KIF5C: variants seen among roughly 807,000 people sequenced by gnomAD.
KIF5C encodes the protein kinesin heavy chain isoform 5C.
Under a neutral mutation model 125.2 loss-of-function variants are expected in KIF5C, and 18 were observed. The observed-to-expected ratio is 0.14, with a 90% CI of 0.10 to 0.21. The LOEUF (loss-of-function observed/expected upper bound fraction) is 0.21. Among genes scored for constraint, KIF5C ranks in the 10% least tolerant of loss-of-function variants. The probability of loss-of-function intolerance (pLI) is 1.00; values close to 1 mark genes in which losing one functional copy is unlikely to be tolerated. For synonymous variants in KIF5C, 405 were observed against 434.0 expected (o/e 0.93, Z 0.83); for missense variants, 780 against 1,183.8 (o/e 0.66, Z 5.01).
intron 21 of KIF5C, among the ~76,000 whole-genome samples, chr2:149,003,245 C>A (rs1022859487): frequency 3.9e-5 from 6 of 152,254 alleles, no homozygotes; most frequent in Non-Finnish European, 5.9e-5. Flanking sequence ...ACTGTTCTGC[C>A]GCCCTCCTCA....
intron 11 of KIF5C, among the ~76,000 whole-genome samples, chr2:148,967,340 A>G (rs962350316): frequency 6.6e-6 from 1 of 152,198 alleles, no homozygotes; most frequent in African/African-American, 2.4e-5. Flanking sequence ...GGCTCCGACA[A>G]GTGTAGGCTG....
At chr2:148,990,509 A>G (rs1681496879) in intron 15 of KIF5C, among the ~76,000 whole-genome samples, 1 of 152,172 alleles carries the variant, frequency 6.6e-6, no homozygotes, top group Admixed American at 6.5e-5. Context: ...ACACCTTTTT[A>G]TTTCAATCCT....
Position 149,025,710 on chromosome 2 carries a change from A to G in KIF5C, c.*2640A>G, listed in dbSNP as rs1040259510. The G allele has an allele frequency of 6.6e-6, 1 of 152,260 alleles. No homozygotes were observed. The highest frequency in any genetic ancestry group is 2.4e-5 in the African/African-American group (1 of 41,462). 9.4% of individuals were successfully genotyped at this position (152,260 alleles called of 1,614,324 possible). A position where few individuals can be genotyped will look rare whatever the true frequency, so the allele number is the denominator to read the frequency against. On this transcript the variant is annotated 3_prime_UTR_variant, in exon 26 of 26. Transcript: ENST00000435030. ...CAGATGGTTTATATGAATAATCTTT[A>G]TCTGCAGGATGGTGGATTGGTAAAT...
chr2:148,981,522 G>A lies in KIF5C; in HGVS notation c.1530G>A (p.Arg510=). Residue 510 remains arginine, a synonymous_variant, in exon 14 of 26, where the codon CGG becomes CGA. Coordinates refer to ENST00000435030, the MANE Select transcript of KIF5C (RefSeq NM_004522.3). ...CACAGGAAGTGGAGGATAAGACCCG[G>A]GCCAATGAGCAGCTGACAGACGAGC... ...QKSQEVEDKT[R]ANEQLTDELA... 6.2e-7 allele frequency: 1 copy of A among 1,605,438 alleles called. No individual in the cohort carries two copies. Among genetic ancestry groups the A allele is most frequent in the East Asian group, 2.2e-5 (1 of 44,482 alleles).
intron 3 of KIF5C, among the ~76,000 whole-genome samples, chr2:148,931,951 A>G (rs1363058254): frequency 6.6e-6 from 1 of 152,238 alleles, no homozygotes; most frequent in Non-Finnish European, 1.5e-5. Flanking sequence ...ACAGTTAGAA[A>G]TAGTTGATGT....
chr2:149,004,315 G>A (rs1681941237), intron 21 of KIF5C, among the ~76,000 whole-genome samples: 1 of 152,184 alleles, frequency 6.6e-6, no homozygotes, highest in African/African-American at 2.4e-5. Flanking sequence ...TGCATCCCTT[G>A]AAATTCTGTG....
At chr2:148,902,380 G>A (rs1332553860) in intron 1 of KIF5C, among the ~76,000 whole-genome samples, 2 of 151,958 alleles carry the variant, frequency 1.3e-5, no homozygotes, top group South Asian at 2.1e-4. Flanking sequence ...GCAGTGGTGC[G>A]ATCTTGACTC....
chr2:149,014,627 G>C (rs1682306523), intron 25 of KIF5C, among the ~76,000 whole-genome samples: 1 of 152,116 alleles, frequency 6.6e-6, no homozygotes, highest in Non-Finnish European at 1.5e-5. Context: ...CTTTTATGTT[G>C]GTCATTGGCA....
At chr2:148,883,125 C>A (rs1043804465) in intron 1 of KIF5C, among the ~76,000 whole-genome samples, 3 of 152,146 alleles carry the variant, frequency 2.0e-5, no homozygotes, top group Non-Finnish European at 4.4e-5. Flanking sequence ...TAAATAGCTT[C>A]TTTTTGTATA....
intron 3 of KIF5C, among the ~76,000 whole-genome samples, chr2:148,929,930 T>C (rs1009417067): frequency 1.2e-4 from 18 of 152,222 alleles, no homozygotes; most frequent in African/African-American, 4.1e-4. Flanking sequence ...AATTTCACCA[T>C]AATATAAAAT....
chr2:148,983,866 G>C lies in KIF5C; in HGVS notation c.1716+100G>C, dbSNP rs139304762. The stretch of plus-strand genomic sequence containing the variant: ...CATTCAATGCTTAGCACTGTGCTTT[G>C]CATCTGCCATGTGCTGGTTAGTGTT... On this transcript the variant is annotated intron_variant, in intron 15 of 25. Coordinates refer to ENST00000435030, the MANE Select transcript of KIF5C (RefSeq NM_004522.3). 12,846 of 1,321,368 alleles carry C rather than the reference G, an allele frequency of 9.7e-3. 92 individuals carry two copies. The highest frequency in any genetic ancestry group is 0.011 in the Non-Finnish European group (10,772 of 1,024,088). The allele number at this position is 1,321,368 out of a possible 1,614,324, so 81.9% of individuals were successfully genotyped here. A position where few individuals can be genotyped will look rare whatever the true frequency, so the allele number is the denominator to read the frequency against.
At chr2:148,884,011 C>T (rs918364271) in intron 1 of KIF5C, 14 of 152,194 alleles carry the variant, frequency 9.2e-5, no homozygotes, top group Non-Finnish European at 1.8e-4. Flanking sequence ...CTTCTCTGCT[C>T]ACCCCATGGA....
intron 19 of KIF5C, chr2:148,998,806 G>T (rs987483387): frequency 2.2e-5 from 6 of 274,274 alleles, no homozygotes; most frequent in Admixed American, 1.0e-4. Flanking sequence ...CAGTAGATGG[G>T]GGGGAGCATC....
At chr2:149,015,458 A>G (rs192556509) in intron 25 of KIF5C, among the ~76,000 whole-genome samples, 1 of 152,184 alleles carries the variant, frequency 6.6e-6, no homozygotes, top group Non-Finnish European at 1.5e-5. Flanking sequence ...AAATGATCTC[A>G]ATTGTGTCTT....
chr2:148,882,289 T>C (rs1408915722), intron 1 of KIF5C, among the ~76,000 whole-genome samples: 1 of 152,152 alleles, frequency 6.6e-6, no homozygotes, highest in Non-Finnish European at 1.5e-5. Context: ...AAAATAGAGA[T>C]AACAACACTC....
At chr2:148,881,966 T>A (rs1681372171) in intron 1 of KIF5C, among the ~76,000 whole-genome samples, 1 of 152,200 alleles carries the variant, frequency 6.6e-6, no homozygotes. Context: ...AGTCTCACCT[T>A]ACTTTCTTCC....
intron 4 of KIF5C, among the ~76,000 whole-genome samples, chr2:148,938,763 G>C (rs1421230274): frequency 6.6e-6 from 1 of 152,100 alleles, no homozygotes; most frequent in Non-Finnish European, 1.5e-5. Context: ...AGGCCCATCT[G>C]TTCAGAGATG....
chr2:148,875,406 G>C lies in KIF5C; in HGVS notation c.-212G>C. 1 of 523,434 alleles carries C rather than the reference G, an allele frequency of 1.9e-6. No homozygotes were observed. The highest frequency in any genetic ancestry group is 3.4e-6 in the Non-Finnish European group (1 of 298,372). 32.4% of individuals were successfully genotyped at this position (523,434 alleles called of 1,614,324 possible). The stretch of plus-strand genomic sequence containing the variant: ...CAGGGCAGGCCGGTCTGCAGCCGGA[G>C]GGGCCGGAGCGGAGAAGCTGCCCAC... On this transcript the variant is annotated 5_prime_UTR_variant, in exon 1 of 26. Coordinates refer to ENST00000435030, the MANE Select transcript of KIF5C (RefSeq NM_004522.3).
intron 8 of KIF5C, among the ~76,000 whole-genome samples, chr2:148,949,251 G>A (rs1446644176): frequency 1.3e-5 from 2 of 152,122 alleles, no homozygotes; most frequent in Non-Finnish European, 1.5e-5. Flanking sequence ...ACAAATTTAC[G>A]ATGCAGTATA....
Sources: gnomAD v4.1 joint callset for allele counts (sites outside exome capture counted in the v4.1 genomes callset) on GRCh38, gnomAD v4.1.1 for gene constraint, MANE v1.5 for transcripts, NCBI Gene and HGNC (gene_info 2026-07-23, HGNC 2026-07-21) for gene names.